Variants in SCN2A observed in about 807,000 individuals in gnomAD.
SCN2A encodes the protein sodium voltage-gated channel alpha subunit 2, also known as sodium channel protein type 2 subunit alpha.
Under a neutral mutation model 188.7 loss-of-function variants are expected in SCN2A, and 20 were observed. The observed-to-expected ratio is 0.11, with a 90% confidence interval of 0.07 to 0.15. SCN2A has a LOEUF of 0.15. SCN2A is among the 10% of genes least tolerant of loss of function. SCN2A has a pLI of 1.00. For synonymous variants in SCN2A, 804 were observed against 833.1 expected (o/e 0.97, Z 0.60); for missense variants, 1,278 against 2,445.0 (o/e 0.52, Z 10.07).
At chr2:165,298,242 A>G (rs1696613507) in intron 3 of SCN2A, among the ~76,000 whole-genome samples, 1 of 152,238 alleles carries the variant, frequency 6.6e-6, no homozygotes, top group South Asian at 2.1e-4. Context: ...TTCAGTATAA[A>G]TATTCTCCAC....
chr2:165,387,727 T>C (rs993565450), intron 26 of SCN2A, among the ~76,000 whole-genome samples: 1 of 152,076 alleles, frequency 6.6e-6, no homozygotes, highest in Non-Finnish European at 1.5e-5. Flanking sequence ...TAAGAGAAGG[T>C]TCTACCTATT....
chr2:165,337,759 A>T (rs1209948382), intron 14 of SCN2A, among the ~76,000 whole-genome samples: 2 of 151,970 alleles, frequency 1.3e-5, no homozygotes, highest in Non-Finnish European at 1.5e-5. Context: ...AACCTAAAAA[A>T]GCTGTTACCA....
chr2:165,316,595 A>G (rs1223029636), intron 11 of SCN2A, among the ~76,000 whole-genome samples: 1 of 152,184 alleles, frequency 6.6e-6, no homozygotes, highest in Non-Finnish European at 1.5e-5. Context: ...AATGGCTAAT[A>G]TTTATACACT....
At position 165,380,747 on chromosome 2, in the gene SCN2A, T is replaced by A. The variant is rs1348200763; in HGVS notation, c.4446+18T>A. The A allele has an allele frequency of 6.5e-7, 1 of 1,541,572 alleles. No individual in the cohort carries two copies. Among genetic ancestry groups the A allele is most frequent in the Non-Finnish European group, 8.9e-7 (1 of 1,118,424 alleles). ...AAAAGAAGATAAGTATATTAAAACT[T>A]CATCCTTGCTCTGAAATATGAACTA... On this transcript the variant is annotated intron_variant, in intron 24 of 26. Transcript: ENST00000375437.
In SCN2A at chr2:165,313,778, T is replaced by C. The variant is rs773082321; in HGVS notation, c.1176+17T>C. On this transcript the variant is annotated intron_variant, in intron 9 of 26. Transcript: ENST00000375437. ...TATCAACTGGTGAGAACAGATAAAA[T>C]CATTTTTCTGAGAATCATAAAACAC... 1.2e-6 allele frequency: 2 copies of C among 1,613,502 alleles called. No homozygotes were observed. Among genetic ancestry groups the C allele is most frequent in the African/African-American group, 1.3e-5 (1 of 74,904 alleles).
At chr2:165,315,355 A>C in intron 10 of SCN2A, 116 bp from the exon 11 acceptor site, 1 of 1,508,960 alleles carries the variant, frequency 6.6e-7, no homozygotes, top group African/African-American at 1.4e-5. Context: ...ACACAGAATA[A>C]AATGGAGAAT....
chr2:165,293,171 G>C (rs1203595198), intron 1 of SCN2A, among the ~76,000 whole-genome samples: 5 of 152,202 alleles, frequency 3.3e-5, no homozygotes. Context: ...CCTACTCTAT[G>C]TTTGTAGTTC....
intron 15 of SCN2A, among the ~76,000 whole-genome samples, chr2:165,342,981 A>G (rs889470310): frequency 2.6e-5 from 4 of 152,178 alleles, no homozygotes; most frequent in African/African-American, 4.8e-5. Context: ...AAAATCACCA[A>G]ATCACTCTTT....
intron 1 of SCN2A, among the ~76,000 whole-genome samples, chr2:165,295,138 C>T (rs1185254895): frequency 4.6e-5 from 7 of 152,132 alleles, no homozygotes; most frequent in African/African-American, 7.2e-5. Context: ...GTGCAGCTTC[C>T]GAGCAGTTCC....
At chr2:165,343,306 G>C (rs1226404918) in intron 15 of SCN2A, among the ~76,000 whole-genome samples, 1 of 152,094 alleles carries the variant, frequency 6.6e-6, no homozygotes, top group African/African-American at 2.4e-5. Context: ...GTTCAAATTT[G>C]AGTTGTAATC....
At chr2:165,318,894 T>G (rs1338887524) in intron 11 of SCN2A, among the ~76,000 whole-genome samples, 1 of 152,164 alleles carries the variant, frequency 6.6e-6, no homozygotes, top group African/African-American at 2.4e-5. Flanking sequence ...AAAGGATGGA[T>G]AGTCTAAGAA....
chr2:165,315,741 T>A lies in SCN2A; in HGVS notation c.1654T>A (p.Phe552Ile), dbSNP rs1186187591. 1 of 1,612,136 alleles carries A rather than the reference T, an allele frequency of 6.2e-7. No homozygotes were observed. Among genetic ancestry groups the A allele is most frequent in the African/African-American group, 1.3e-5 (1 of 74,784 alleles). ...EGSRLTYEKRFSSPHQSLLSI... is the reference protein window; with the variant it reads ...EGSRLTYEKRISSPHQSLLSI... ...AAGTAGGCTGACATATGAAAAGAGA[T>A]TTTCTTCTCCACACCAGGTAAAAAT... Residue 552 changes from phenylalanine (F) to isoleucine (I), a missense_variant, in exon 11 of 27, where the codon TTT (phenylalanine) becomes ATT (isoleucine). By Grantham distance (21) the Phe-to-Ile change is conservative (BLOSUM62 0). Coordinates refer to ENST00000375437, the MANE Select transcript of SCN2A (RefSeq NM_001040142.2).
At chr2:165,340,036 T>G (rs996449164) in intron 14 of SCN2A, among the ~76,000 whole-genome samples, 2 of 151,908 alleles carry the variant, frequency 1.3e-5, no homozygotes, top group Non-Finnish European at 2.9e-5. Context: ...AGAAAGGAAA[T>G]AGAAGAAAGG....
chr2:165,243,627 G>C (rs1374891701), intron 1 of SCN2A: 1 of 151,548 alleles, frequency 6.6e-6, no homozygotes, highest in Admixed American at 6.6e-5. Flanking sequence ...GTCAATGTCA[G>C]GAAGCTCCTT....
intron 26 of SCN2A, 29 bp from the exon 27 acceptor site, chr2:165,388,600 T>C (rs777850034): frequency 6.2e-7 from 1 of 1,612,798 alleles, no homozygotes; most frequent in Non-Finnish European, 8.5e-7. Flanking sequence ...AGTATAACAA[T>C]ATTTTTGTTA....
chr2:165,260,385 G>A (rs1238177631), intron 1 of SCN2A, among the ~76,000 whole-genome samples: 1 of 152,130 alleles, frequency 6.6e-6, no homozygotes, highest in African/African-American at 2.4e-5. Flanking sequence ...GTAATATTTT[G>A]AAAAGAATAG....
intron 23 of SCN2A, among the ~76,000 whole-genome samples, chr2:165,379,435 A>G (rs1468851528): frequency 6.6e-6 from 1 of 151,788 alleles, no homozygotes; most frequent in Non-Finnish European, 1.5e-5. Flanking sequence ...CATCATTACC[A>G]TAAAAGTCAG....
In SCN2A at chr2:165,381,207, A is replaced by G. The variant is rs767957352; in HGVS notation, c.4551+10A>G. On this transcript the variant is annotated intron_variant, in intron 25 of 26. Transcript: ENST00000375437. Reference sequence around the variant, plus strand: ...CATACCTCGACCTGCTGTAAGAATAACATATTTTCATTGCCTGTTAAAACT... The same window carrying G: ...CATACCTCGACCTGCTGTAAGAATAGCATATTTTCATTGCCTGTTAAAACT... The G allele has an allele frequency of 6.5e-6, 10 of 1,538,708 alleles. No homozygotes were observed. In the African/African-American group the frequency reaches 1.1e-4, roughly 17 times the overall value.
intron 1 of SCN2A, 144 bp from the exon 2 acceptor site, chr2:165,295,629 C>A: frequency 1.3e-6 from 1 of 742,774 alleles, no homozygotes; most frequent in Non-Finnish European, 2.2e-6. Flanking sequence ...TATGAGATTC[C>A]CTGAATACCA....
Sources: allele counts gnomAD v4.1 joint callset (sites outside exome capture counted in the v4.1 genomes callset), GRCh38; gene constraint gnomAD v4.1.1; transcripts MANE v1.5; gene names NCBI Gene and HGNC (gene_info 2026-07-23, HGNC 2026-07-21).